The following ZMYM1 variants were observed in gnomAD, a reference collection of about 807,000 sequenced individuals.
ZMYM1 encodes zinc finger MYM-type protein 1.
ZMYM1 carries 39 observed loss-of-function variants against 60.0 expected under a neutral mutation model. That is an observed-to-expected ratio of 0.65 (90% CI 0.50 to 0.85). ZMYM1 has a LOEUF of 0.85. ZMYM1 is among the 40% of genes least tolerant of loss of function. ZMYM1 has a pLI of 0.00. For synonymous variants in ZMYM1, 413 were observed against 454.0 expected, an observed-to-expected ratio of 0.91 and a Z score of 1.15; for missense variants, 1,171 against 1,309.5, an observed-to-expected ratio of 0.89 and a Z score of 1.63.
chr1:35,112,590 T>TTA (rs1196794645), intron 9 of ZMYM1, among the ~76,000 whole-genome samples: 1 of 146,620 alleles, frequency 6.8e-6, no homozygotes, highest in Admixed American at 7.0e-5. Context: ...TAATGTATAT[T>TTA]TATTATATAT....
rs1172704799 is a variant in ZMYM1, at chr1:35,079,389, T to C, written c.-128T>C. The stretch of plus-strand genomic sequence containing the variant: ...GAGGGGCGGGGTCGGCGGGGCCGTT[T>C]CGCTTCGAAGATTGTTTCAGAAGCG... On this transcript the variant is annotated 5_prime_UTR_variant, in exon 1 of 10. Coordinates refer to ENST00000359858, the MANE Select transcript of ZMYM1 (RefSeq NM_024772.5). The C allele has an allele frequency of 6.8e-6, 1 of 146,854 alleles. No individual in the cohort carries two copies. The highest frequency in any genetic ancestry group is 2.2e-4 in the South Asian group (1 of 4,446). 9.1% of individuals were successfully genotyped at this position (146,854 alleles called of 1,614,324 possible).
chr1:35,098,912 TC>T (rs1193642717), intron 4 of ZMYM1, among the ~76,000 whole-genome samples: 1 of 152,158 alleles, frequency 6.6e-6, no homozygotes, highest in African/African-American at 2.4e-5. Context: ...ATGCACTTTC[TC>T]AGGTCTTACC....
chr1:35,104,923 AAG>A (rs1643839063), intron 6 of ZMYM1, among the ~76,000 whole-genome samples, 154 bp downstream of exon 6: 1 of 152,198 alleles, frequency 6.6e-6, no homozygotes, highest in Non-Finnish European at 1.5e-5. Flanking sequence ...CTTCTTGCAT[AAG>A]AATTCATGAT....
At chr1:35,085,111 T>C (rs1642587653) in intron 1 of ZMYM1, among the ~76,000 whole-genome samples, 1 of 151,870 alleles carries the variant, frequency 6.6e-6, no homozygotes, top group African/African-American at 2.4e-5. Flanking sequence ...GCAGTGGCAC[T>C]GTCTCAGCTC....
downstream of ZMYM1, among the ~76,000 whole-genome samples, chr1:35,118,555 A>G (rs893044787): frequency 6.6e-6 from 1 of 151,958 alleles, no homozygotes; most frequent in Middle Eastern, 3.2e-3. Context: ...CTACTAAAAA[A>G]AATTAGCCAG....
downstream of ZMYM1, among the ~76,000 whole-genome samples, chr1:35,116,070 T>A (rs1570057635): frequency 7.3e-6 from 1 of 136,176 alleles, no homozygotes; most frequent in Non-Finnish European, 1.5e-5. Context: ...ATCACTACAA[T>A]TTTTTTTTTT....
At chr1:35,101,282 T>C (rs1643640215) in intron 4 of ZMYM1, among the ~76,000 whole-genome samples, 1 of 151,308 alleles carries the variant, frequency 6.6e-6, no homozygotes, top group South Asian at 2.1e-4. Context: ...TTAATTTTTG[T>C]ATTTTTAGTA....
downstream of ZMYM1, among the ~76,000 whole-genome samples, chr1:35,116,087 T>G (rs182949540): frequency 2.8e-4 from 42 of 152,012 alleles, no homozygotes; most frequent in East Asian, 7.8e-3. Context: ...TTTTTTAAAT[T>G]AGTGAAGTGT....
intron 1 of ZMYM1, among the ~76,000 whole-genome samples, chr1:35,068,117 T>C (rs1642003320): frequency 6.6e-6 from 1 of 151,532 alleles, no homozygotes; most frequent in Non-Finnish European, 1.5e-5. Context: ...GTATAACTAC[T>C]GTAATCAAGA....
rs759708743 is a variant in ZMYM1, at chr1:35,113,091, A to G, written c.1261A>G (p.Thr421Ala). Residue 421 changes from threonine to alanine, a missense_variant, in exon 10 of 10, where the codon ACA becomes GCA. By Grantham distance (58) the Thr-to-Ala change is moderately conservative. Coordinates refer to ENST00000359858, the MANE Select transcript of ZMYM1 (RefSeq NM_024772.5). Reference protein sequence around the residue: ...VFSQHAIGSSTEVQKDNMKSM... With the variant: ...VFSQHAIGSSAEVQKDNMKSM... ...CAGTCAGCATGCAATTGGTTCCAGT[A>G]CAGAAGTACAAAAAGACAATATGAA... 8.7e-6 allele frequency: 14 copies of G among 1,613,986 alleles called. No individual in the cohort carries two copies. The highest frequency in any genetic ancestry group is 1.3e-5 in the African/African-American group (1 of 74,932).
upstream of ZMYM1, among the ~76,000 whole-genome samples, chr1:35,078,750 T>C (rs12094112): frequency 0.035 from 5,307 of 151,932 alleles, 294 homozygotes; most frequent in African/African-American, 0.12. Context: ...GGTTTCACCA[T>C]GTTGGTCAGG....
chr1:35,095,511 A>C (rs1352004914), intron 2 of ZMYM1, among the ~76,000 whole-genome samples: 1 of 151,816 alleles, frequency 6.6e-6, no homozygotes, highest in African/African-American at 2.4e-5. Context: ...GAAAAAAAAA[A>C]AAAAACAAGT....
At chr1:35,106,463 G>T (rs1277491657) in intron 6 of ZMYM1, among the ~76,000 whole-genome samples, 1 of 152,088 alleles carries the variant, frequency 6.6e-6, no homozygotes, top group Non-Finnish European at 1.5e-5. Context: ...ACCAAAATTA[G>T]CTGGGCATGG....
At chr1:35,061,474 A>T (rs1641874200) in intron 1 of ZMYM1, among the ~76,000 whole-genome samples, 1 of 152,170 alleles carries the variant, frequency 6.6e-6, no homozygotes, top group South Asian at 2.1e-4. Context: ...ATACATAGAT[A>T]GATAGAAATA....
upstream of ZMYM1, among the ~76,000 whole-genome samples, chr1:35,078,626 G>A (rs1036585052): frequency 6.1e-5 from 8 of 130,298 alleles, no homozygotes; most frequent in South Asian, 4.8e-4. Context: ...TCAGCTCACT[G>A]CAACCTCTGC....
Position 35,104,698 on chromosome 1 carries a change from T to C in ZMYM1, c.736T>C (p.Ser246Pro). 2 of 1,614,198 alleles carry C rather than the reference T, an allele frequency of 1.2e-6. No individual in the cohort carries two copies. The highest frequency in any genetic ancestry group is 1.7e-6 in the Non-Finnish European group (2 of 1,180,026). ...TTACTGTTACACCAGCTCTAGTCTG[T>C]CCCACATACTTCAGATGGAAGGACA... ...GTYCYTSSSLSHILQMEGQSH... is the reference protein window; with the variant it reads ...GTYCYTSSSLPHILQMEGQSH... Residue 246 changes from serine to proline, a missense_variant, in exon 6 of 10, where the codon TCC becomes CCC. Transcript: ENST00000359858.
chr1:35,096,002 G>GGA (rs1336269667), intron 3 of ZMYM1, 111 bp downstream of exon 3: 1 of 815,302 alleles, frequency 1.2e-6, no homozygotes, highest in African/African-American at 1.7e-5. Flanking sequence ...TTTAAGTCCA[G>GGA]GAGAAGTAAC....
intron 1 of ZMYM1, among the ~76,000 whole-genome samples, chr1:35,081,329 A>G (rs928311498): frequency 6.6e-6 from 1 of 152,154 alleles, no homozygotes; most frequent in Admixed American, 6.6e-5. Flanking sequence ...GCTTGTGTCC[A>G]TACCACACTA....
rs771588569 is a variant in ZMYM1, at chr1:35,097,433, C to G, written c.286C>G (p.Leu96Val). The stretch of plus-strand genomic sequence containing the variant: ...TTCCTGTGCTGGTTGTAAAAAAATT[C>G]TCCAGAAGGGGCAAACTGCTTATCA... Reference protein sequence around the residue: ...QVSCAGCKKILQKGQTAYQRK... With the variant: ...QVSCAGCKKIVQKGQTAYQRK... The change falls in exon 4 of 10, where the codon CTC becomes GTC. Residue 96 changes from leucine (L) to valine (V), a missense_variant. Transcript: ENST00000359858. 1.2e-6 allele frequency: 2 copies of G among 1,613,974 alleles called. No individual in the cohort carries two copies. The highest frequency in any genetic ancestry group is 1.3e-5 in the African/African-American group (1 of 74,912).
Sources: allele counts gnomAD v4.1 joint callset (sites outside exome capture counted in the v4.1 genomes callset), GRCh38; gene constraint gnomAD v4.1.1; transcripts MANE v1.5; gene names NCBI Gene and HGNC (gene_info 2026-07-23, HGNC 2026-07-21).